The following SPIN1 variants were observed in gnomAD, a reference collection of about 807,000 sequenced individuals.
The protein encoded by SPIN1 is spindlin-1.
SPIN1 carries 3 observed loss-of-function variants against 26.0 expected under a neutral mutation model. The observed-to-expected ratio is 0.12, with a 90% CI of 0.05 to 0.30. The LOEUF (loss-of-function observed/expected upper bound fraction) is 0.30. Among genes scored for constraint, SPIN1 ranks in the 10% least tolerant of loss-of-function variants. SPIN1 has a pLI of 1.00. For synonymous variants in SPIN1, 101 were observed against 116.5 expected (o/e 0.87, Z 0.86); for missense variants, 126 against 333.4 (o/e 0.38, Z 4.84).
intron 4 of SPIN1, among the ~76,000 whole-genome samples, chr9:88,465,367 T>C (rs908831133): frequency 7.9e-5 from 12 of 152,222 alleles, no homozygotes; most frequent in Non-Finnish European, 1.6e-4. Context: ...TAGGTAGAAC[T>C]ACCATACTGT....
chr9:88,411,319 A>G, intron 1 of SPIN1: 2 of 1,416,350 alleles, frequency 1.4e-6, no homozygotes, highest in Non-Finnish European at 2.0e-6. Flanking sequence ...TGGTGTTTGG[A>G]TCTCTCATTA....
At chr9:88,399,519 G>C (rs998892335) in intron 1 of SPIN1, among the ~76,000 whole-genome samples, 1 of 152,146 alleles carries the variant, frequency 6.6e-6, no homozygotes, top group African/African-American at 2.4e-5. Context: ...TGGGTGGCCT[G>C]TAAGAGTTGG....
intron 5 of SPIN1, among the ~76,000 whole-genome samples, chr9:88,473,911 A>G (rs1277773786): frequency 6.6e-6 from 1 of 152,216 alleles, no homozygotes; most frequent in Non-Finnish European, 1.5e-5. Context: ...AAAAGAGTTC[A>G]GCTTATATTT....
intron 1 of SPIN1, among the ~76,000 whole-genome samples, chr9:88,400,564 G>C (rs1316303700): frequency 6.6e-6 from 1 of 152,090 alleles, no homozygotes; most frequent in Non-Finnish European, 1.5e-5. Flanking sequence ...GTCTATATTT[G>C]GCCTGGCGTG....
intron 3 of SPIN1, among the ~76,000 whole-genome samples, chr9:88,461,587 C>T (rs954715131): frequency 2.8e-4 from 42 of 152,092 alleles, no homozygotes; most frequent in African/African-American, 1.0e-3. Context: ...AGATATTAAT[C>T]ACTTTTATTC....
At chr9:88,447,920 A>G (rs984115975) in intron 2 of SPIN1, among the ~76,000 whole-genome samples, 2 of 152,158 alleles carry the variant, frequency 1.3e-5, no homozygotes, top group South Asian at 2.1e-4. Flanking sequence ...TGTGCTGCCT[A>G]TCAGCCAGCA....
intron 2 of SPIN1, among the ~76,000 whole-genome samples, chr9:88,439,088 AAC>A (rs1428970056): frequency 6.6e-6 from 1 of 152,182 alleles, no homozygotes; most frequent in East Asian, 1.9e-4. Context: ...AAACACACAA[AAC>A]ACAGAATTGT....
rs1177261349 is a variant in SPIN1, at chr9:88,408,376, CTTTT to C, written c.-158-17990_-158-17987del. Among the ~76,000 whole-genome samples, 61 of 115,434 alleles carry C rather than the reference CTTTT, an allele frequency of 5.3e-4. No homozygotes were observed. In the South Asian group the frequency reaches 0.011, roughly 22 times the overall value. 75.7% of individuals were successfully genotyped at this position (115,434 alleles called of 152,430 possible). ...TTTTGGTTTTTCTTTTCCTTTTTTT[CTTTT>C]TTTTTTTTTTTTTTTGAGACGGAGT... On this transcript the variant is annotated intron_variant, in intron 1 of 5. Coordinates refer to ENST00000375859, the MANE Select transcript of SPIN1 (RefSeq NM_006717.3).
chr9:88,442,317 C>T lies in SPIN1; in HGVS notation c.53-6624C>T, dbSNP rs1828151452. Among the ~76,000 whole-genome samples, 3 of 151,570 alleles carry T rather than the reference C, an allele frequency of 2.0e-5. No homozygotes were observed. In the South Asian group the frequency reaches 6.2e-4, roughly 31 times the overall value. ...TTTAAATAGTTCCCTCTACTATCTT[C>T]CTTTTTTGCATGGTTTCTGAGGAGA... is the stretch of plus-strand genomic sequence containing the variant. On this transcript the variant is annotated intron_variant, in intron 2 of 5. Transcript: ENST00000375859.
intron 2 of SPIN1, among the ~76,000 whole-genome samples, chr9:88,437,692 A>G (rs569373248): frequency 6.6e-6 from 1 of 152,266 alleles, no homozygotes; most frequent in South Asian, 2.1e-4. Context: ...ACCGTTTTGC[A>G]TTTCCACAAG....
chr9:88,413,503 C>T (rs1424394082), intron 1 of SPIN1, among the ~76,000 whole-genome samples: 1 of 151,952 alleles, frequency 6.6e-6, no homozygotes, highest in Non-Finnish European at 1.5e-5. Context: ...TCTACCTCAG[C>T]CTCCTGAGTA....
chr9:88,395,060 G>A (rs909011207), intron 1 of SPIN1, among the ~76,000 whole-genome samples: 11 of 151,620 alleles, frequency 7.3e-5, no homozygotes, highest in African/African-American at 2.4e-4. Context: ...TGTCCGCCTC[G>A]GCCTGCCAAA....
chr9:88,473,913 C>T (rs1828841683), intron 5 of SPIN1, among the ~76,000 whole-genome samples: 1 of 152,106 alleles, frequency 6.6e-6, no homozygotes, highest in Non-Finnish European at 1.5e-5. Flanking sequence ...AAGAGTTCAG[C>T]TTATATTTCT....
chr9:88,433,375 ACC>A (rs1564031261), intron 2 of SPIN1, among the ~76,000 whole-genome samples: 1 of 152,058 alleles, frequency 6.6e-6, no homozygotes, highest in Non-Finnish European at 1.5e-5. Flanking sequence ...GCACCAGTGT[ACC>A]TGCTTATAAA....
At chr9:88,398,887 TA>T (rs935904086) in intron 1 of SPIN1, among the ~76,000 whole-genome samples, 1 of 150,576 alleles carries the variant, frequency 6.6e-6, no homozygotes, top group Non-Finnish European at 1.5e-5. Flanking sequence ...TTAATTGTAA[TA>T]TTTTTTTCAG....
intron 2 of SPIN1, among the ~76,000 whole-genome samples, chr9:88,436,609 C>G (rs868716236): frequency 4.6e-5 from 7 of 152,130 alleles, no homozygotes; most frequent in Non-Finnish European, 8.8e-5. Flanking sequence ...CACCCTTAAC[C>G]CCTGGCAAGT....
chr9:88,466,165 AT>A lies in SPIN1; in HGVS notation c.356-2197del, dbSNP rs1243741899. On this transcript the variant is annotated intron_variant, in intron 4 of 5. Transcript: ENST00000375859. ...TGTAGTAATTTCCATTTATGTTTTA[AT>A]TTTTTTTTTAGAGACAGGATCTCGC... Among the ~76,000 whole-genome samples, 7 of 149,292 alleles carry A rather than the reference AT, an allele frequency of 4.7e-5. No homozygotes were observed. The South Asian group carries it at 1.1e-3, about 23-fold the overall frequency.
intron 1 of SPIN1, among the ~76,000 whole-genome samples, chr9:88,419,333 T>C (rs1313810200): frequency 1.3e-5 from 2 of 152,036 alleles, no homozygotes; most frequent in Non-Finnish European, 2.9e-5. Context: ...AATTAGCCAA[T>C]TGGAAATAGT....
chr9:88,390,549 C>G (rs941874732), intron 1 of SPIN1, among the ~76,000 whole-genome samples: 1 of 152,042 alleles, frequency 6.6e-6, no homozygotes, highest in African/African-American at 2.4e-5. Flanking sequence ...TTTGGTTTAT[C>G]CTTTAAAATA....
Sources: allele counts gnomAD v4.1 joint callset (sites outside exome capture counted in the v4.1 genomes callset), GRCh38; gene constraint gnomAD v4.1.1; transcripts MANE v1.5; gene names NCBI Gene and HGNC (gene_info 2026-07-23, HGNC 2026-07-21).